LRP1B: variants seen among roughly 807,000 people sequenced by gnomAD.
The protein encoded by LRP1B is LDL receptor related protein 1B, also known as low-density lipoprotein receptor-related protein 1B.
In LRP1B, 217 loss-of-function variants were observed where a neutral mutation model predicts 556.6. The ratio of observed to expected loss-of-function variants is 0.39; its 90% confidence interval spans 0.35 to 0.44. The LOEUF is 0.44. LRP1B is among the 20% of genes least tolerant of loss of function. The pLI, the probability that LRP1B is intolerant of heterozygous loss-of-function variation, is 1.00. For synonymous variants in LRP1B, 2,047 were observed against 1,865.8 expected, an observed-to-expected ratio of 1.10 and a Z score of -2.50; for missense variants, 5,053 against 5,620.8, an observed-to-expected ratio of 0.90 and a Z score of 3.23.
chr2:140,464,200 A>T (rs1008379097), intron 60 of LRP1B, among the ~76,000 whole-genome samples: 3 of 151,540 alleles, frequency 2.0e-5, no homozygotes, highest in African/African-American at 7.3e-5. Context: ...GTCTCAAATA[A>T]TAATAATAAT....
chr2:141,700,430 A>AAATTG (rs1691899278), intron 2 of LRP1B, among the ~76,000 whole-genome samples: 1 of 151,804 alleles, frequency 6.6e-6, no homozygotes, highest in South Asian at 2.1e-4. Context: ...CTTTATTCTA[A>AAATTG]AATTGTAATC....
chr2:140,813,958 T>C (rs543257593), intron 31 of LRP1B, 152 bp from the exon 32 acceptor site: 2 of 601,040 alleles, frequency 3.3e-6, no homozygotes, highest in East Asian at 2.9e-5. Flanking sequence ...AATACACATA[T>C]GGTGTTTTGG....
At chr2:141,464,947 TA>T (rs531026239) in intron 3 of LRP1B, among the ~76,000 whole-genome samples, 3 of 150,274 alleles carry the variant, frequency 2.0e-5, no homozygotes, top group African/African-American at 7.4e-5. Flanking sequence ...TCAATAGCAA[TA>T]AAAAAAAGGT....
At chr2:140,912,600 C>G (rs915229494) in intron 21 of LRP1B, among the ~76,000 whole-genome samples, 30 of 151,640 alleles carry the variant, frequency 2.0e-4, no homozygotes, top group African/African-American at 7.0e-4. Flanking sequence ...TTGAGCTCTA[C>G]AAAATATTTT....
chr2:140,785,370 G>A (rs1044311967), intron 32 of LRP1B, among the ~76,000 whole-genome samples: 10 of 152,046 alleles, frequency 6.6e-5, no homozygotes, highest in East Asian at 5.8e-4. Flanking sequence ...ACCTTCCTGC[G>A]TGACAATGAT....
intron 35 of LRP1B, among the ~76,000 whole-genome samples, chr2:140,732,316 G>A (rs1687806477): frequency 6.6e-6 from 1 of 151,954 alleles, no homozygotes; most frequent in Non-Finnish European, 1.5e-5. Context: ...ATATCTAAAA[G>A]TTATGTCTAA....
intron 1 of LRP1B, among the ~76,000 whole-genome samples, chr2:142,004,251 T>C (rs1261437421): frequency 1.3e-5 from 2 of 152,066 alleles, no homozygotes; most frequent in Non-Finnish European, 2.9e-5. Flanking sequence ...GAAAAACTAC[T>C]AATCAAACAC....
At chr2:141,971,005 A>C (rs969276216) in intron 1 of LRP1B, among the ~76,000 whole-genome samples, 2 of 151,568 alleles carry the variant, frequency 1.3e-5, no homozygotes, top group African/African-American at 4.8e-5. Flanking sequence ...TCACTTTATA[A>C]CAACTCATGC....
intron 3 of LRP1B, among the ~76,000 whole-genome samples, chr2:141,314,893 T>TACATATATATATATATAC (rs1686960141): frequency 6.9e-6 from 1 of 144,206 alleles, no homozygotes; most frequent in Non-Finnish European, 1.5e-5. Flanking sequence ...TATACATATA[T>TACATATATATATATATAC]ACATATATAT....
At chr2:141,517,790 T>C (rs1435716014) in intron 2 of LRP1B, among the ~76,000 whole-genome samples, 1 of 152,184 alleles carries the variant, frequency 6.6e-6, no homozygotes, top group African/African-American at 2.4e-5. Flanking sequence ...AAAAGCTTAC[T>C]TCCTAAGATA....
intron 58 of LRP1B, among the ~76,000 whole-genome samples, chr2:140,486,244 CAGTT>C (rs1448049879): frequency 1.3e-5 from 2 of 151,906 alleles, no homozygotes; most frequent in East Asian, 1.9e-4. Flanking sequence ...AACAGTTACA[CAGTT>C]AAAGACAAGA....
intron 3 of LRP1B, among the ~76,000 whole-genome samples, chr2:141,433,736 G>A (rs894493638): frequency 2.0e-5 from 3 of 151,506 alleles, no homozygotes; most frequent in Non-Finnish European, 4.4e-5. Flanking sequence ...ATATGTCTGA[G>A]CGTGGTTCTC....
At chr2:141,369,920 A>G (rs1689169025) in intron 3 of LRP1B, among the ~76,000 whole-genome samples, 1 of 152,144 alleles carries the variant, frequency 6.6e-6, no homozygotes, top group Non-Finnish European at 1.5e-5. Flanking sequence ...GAGTTATTTC[A>G]CTTAAGACAA....
chr2:141,440,060 T>C (rs11691331), intron 3 of LRP1B, among the ~76,000 whole-genome samples: 38,994 of 151,882 alleles, frequency 0.26, 5,118 homozygotes, highest in South Asian at 0.37. Context: ...CAACGTGAAT[T>C]CCTTCCAGGG....
chr2:141,516,662 A>C (rs1684322359), intron 2 of LRP1B, among the ~76,000 whole-genome samples: 1 of 149,130 alleles, frequency 6.7e-6, no homozygotes, highest in African/African-American at 2.5e-5. Flanking sequence ...ATTCCACCGG[A>C]GTAAGGAGCA....
chr2:141,396,751 C>T (rs1219667599), intron 3 of LRP1B, among the ~76,000 whole-genome samples: 1 of 152,060 alleles, frequency 6.6e-6, no homozygotes, highest in East Asian at 1.9e-4. Flanking sequence ...TAAACATTAT[C>T]TTAACAGGCA....
intron 3 of LRP1B, among the ~76,000 whole-genome samples, chr2:141,424,989 T>C (rs190023464): frequency 5.9e-5 from 9 of 152,066 alleles, no homozygotes; most frequent in African/African-American, 1.9e-4. Context: ...TACATATGTA[T>C]ACATGTGCCA....
At chr2:140,814,457 C>T (rs1280928885) in intron 31 of LRP1B, among the ~76,000 whole-genome samples, 2 of 152,090 alleles carry the variant, frequency 1.3e-5, no homozygotes, top group African/African-American at 2.4e-5. Flanking sequence ...AGTGGACATT[C>T]CAGATATTTT....
At chr2:141,368,883 T>C (rs1689135967) in intron 3 of LRP1B, among the ~76,000 whole-genome samples, 1 of 152,114 alleles carries the variant, frequency 6.6e-6, no homozygotes, top group South Asian at 2.1e-4. Context: ...AAAGAAAAGT[T>C]TTTTTTCTCT....
Sources: gnomAD v4.1 joint callset for allele counts (sites outside exome capture counted in the v4.1 genomes callset) on GRCh38, gnomAD v4.1.1 for gene constraint, MANE v1.5 for transcripts, NCBI Gene and HGNC (gene_info 2026-07-23, HGNC 2026-07-21) for gene names.